TRAPPC9: variants seen among roughly 807,000 people sequenced by gnomAD.
TRAPPC9 encodes IKK2 binding protein.
TRAPPC9 carries 83 observed loss-of-function variants against 124.0 expected under a neutral mutation model. The ratio of observed to expected loss-of-function variants is 0.67; its 90% CI spans 0.56 to 0.80. The LOEUF (loss-of-function observed/expected upper bound fraction) is 0.80. TRAPPC9 is among the 30% of genes least tolerant of loss of function. The pLI is 0.00. For missense variants in TRAPPC9, 1,302 were observed against 1,508.3 expected, an observed-to-expected ratio of 0.86 and a Z score of 2.27; for synonymous variants, 638 against 617.5, an observed-to-expected ratio of 1.03 and a Z score of -0.49.
intron 19 of TRAPPC9, among the ~76,000 whole-genome samples, chr8:139,963,771 AAAAAAAC>A (rs1348387548): frequency 1.5e-4 from 19 of 123,718 alleles, no homozygotes; most frequent in African/African-American, 4.7e-4. Flanking sequence ...AAAAAAAAAA[AAAAAAAC>A]AACTACAGAC....
chr8:140,094,377 G>A (rs562410500), intron 17 of TRAPPC9, among the ~76,000 whole-genome samples: 3 of 152,282 alleles, frequency 2.0e-5, no homozygotes, highest in East Asian at 1.9e-4. Context: ...GTAGGCAGGC[G>A]CAGATCGGGC....
intron 15 of TRAPPC9, among the ~76,000 whole-genome samples, chr8:140,271,976 G>A (rs2064900422): frequency 1.3e-5 from 2 of 148,732 alleles, no homozygotes; most frequent in South Asian, 4.2e-4. Flanking sequence ...GAGGATGGCA[G>A]TAATGGTGGT....
intron 17 of TRAPPC9, among the ~76,000 whole-genome samples, chr8:140,164,517 C>T (rs1238537886): frequency 6.6e-6 from 1 of 152,214 alleles, no homozygotes; most frequent in Non-Finnish European, 1.5e-5. Flanking sequence ...CGCTGGGATG[C>T]AGAATTCAGC....
chr8:139,767,366 A>G (rs967331890), intron 21 of TRAPPC9, among the ~76,000 whole-genome samples: 4 of 152,198 alleles, frequency 2.6e-5, no homozygotes, highest in African/African-American at 9.6e-5. Context: ...CTGCTACCAG[A>G]GAAGGAGGAT....
At position 140,397,602 on chromosome 8, in the gene TRAPPC9, A is replaced by C; in HGVS notation, c.1134+18T>G. The C allele has an allele frequency of 1.9e-6, 3 of 1,613,718 alleles. No individual in the cohort carries two copies. The highest frequency in any genetic ancestry group is 2.5e-6 in the Non-Finnish European group (3 of 1,179,806). On this transcript the variant is annotated intron_variant, in intron 7 of 22. Transcript: ENST00000438773. ...GAACTGGATGAACTCTTCCACTTACAGGTAGACATACACTCACCTGTCGAA... is the reference window on the plus strand; with the variant it reads ...GAACTGGATGAACTCTTCCACTTACCGGTAGACATACACTCACCTGTCGAA...
At chr8:139,795,985 T>A (rs957336297) in intron 21 of TRAPPC9, among the ~76,000 whole-genome samples, 1 of 148,674 alleles carries the variant, frequency 6.7e-6, no homozygotes, top group Non-Finnish European at 1.5e-5. Flanking sequence ...GGTAAGAGCA[T>A]GAAATGGGTT....
At position 140,287,741 on chromosome 8, in the gene TRAPPC9, C is replaced by G; in HGVS notation, c.1855-7G>C. 6.2e-7 allele frequency: 1 copy of G among 1,614,098 alleles called. No homozygotes were observed. Among genetic ancestry groups the G allele is most frequent in the Non-Finnish European group, 8.5e-7 (1 of 1,180,036 alleles). On this transcript the variant is annotated splice_region_variant and splice_polypyrimidine_tract_variant and intron_variant, in intron 12 of 22. Transcript: ENST00000438773. Reference sequence around the variant, plus strand: ...CTCCGCTGGTGAGCAGCCCCTAAACCAAGCGACGCAGCATCGTAAGCCCGG... The same window carrying G: ...CTCCGCTGGTGAGCAGCCCCTAAACGAAGCGACGCAGCATCGTAAGCCCGG...
intron 17 of TRAPPC9, among the ~76,000 whole-genome samples, chr8:140,092,276 C>T (rs1844622404): frequency 6.7e-6 from 1 of 150,002 alleles, no homozygotes; most frequent in Non-Finnish European, 1.5e-5. Flanking sequence ...CGGCTCACTG[C>T]AACCTCCACC....
At chr8:139,953,623 C>G (rs1032438465) in intron 19 of TRAPPC9, among the ~76,000 whole-genome samples, 12 of 152,104 alleles carry the variant, frequency 7.9e-5, no homozygotes, top group Non-Finnish European at 1.8e-4. Flanking sequence ...AAAAGATAAA[C>G]TAGATTGAAA....
intron 21 of TRAPPC9, among the ~76,000 whole-genome samples, chr8:139,785,357 A>T (rs1356875157): frequency 6.6e-6 from 1 of 152,336 alleles, no homozygotes; most frequent in East Asian, 1.9e-4. Flanking sequence ...TGTGATTTTG[A>T]GTTAGGCCAA....
chr8:139,838,014 C>T (rs547939497), intron 21 of TRAPPC9, among the ~76,000 whole-genome samples: 13 of 152,332 alleles, frequency 8.5e-5, no homozygotes, highest in African/African-American at 3.1e-4. Flanking sequence ...CCACCCAAAG[C>T]CTTCGACGCC....
chr8:139,761,013 G>T (rs1243851932), intron 21 of TRAPPC9, among the ~76,000 whole-genome samples: 1 of 152,194 alleles, frequency 6.6e-6, no homozygotes, highest in Admixed American at 6.5e-5. Context: ...TCCTGACTTG[G>T]TTGCTTAGCC....
chr8:140,112,841 CTTTT>C (rs34920600), intron 17 of TRAPPC9, among the ~76,000 whole-genome samples: 29 of 129,256 alleles, frequency 2.2e-4, no homozygotes, highest in Non-Finnish European at 2.8e-4. Flanking sequence ...TTTTAATTTC[CTTTT>C]TTTTTTTTTT....
intron 5 of TRAPPC9, among the ~76,000 whole-genome samples, chr8:140,423,480 C>T (rs2070295888): frequency 6.6e-6 from 1 of 151,682 alleles, no homozygotes. Flanking sequence ...AACACATGTC[C>T]ACACAAATGC....
intron 17 of TRAPPC9, among the ~76,000 whole-genome samples, chr8:140,025,221 T>G (rs1840069312): frequency 6.6e-6 from 1 of 152,178 alleles, no homozygotes. Context: ...CAGGTTCCCC[T>G]CCGGACTGAA....
chr8:139,912,030 G>A (rs1831770535), intron 19 of TRAPPC9, among the ~76,000 whole-genome samples: 1 of 151,936 alleles, frequency 6.6e-6, no homozygotes, highest in South Asian at 2.1e-4. Context: ...GCAAAACATG[G>A]TTTTTAAAAA....
At chr8:140,233,722 T>C (rs2131387676) in intron 16 of TRAPPC9, among the ~76,000 whole-genome samples, 1 of 146,474 alleles carries the variant, frequency 6.8e-6, no homozygotes, top group Non-Finnish European at 1.5e-5. Context: ...TGCTCTTTTC[T>C]GCCACAGAGT....
chr8:139,807,947 G>A (rs552980223), intron 21 of TRAPPC9, among the ~76,000 whole-genome samples: 24 of 152,272 alleles, frequency 1.6e-4, no homozygotes, highest in Middle Eastern at 6.8e-3. Flanking sequence ...CCACAGACAG[G>A]AAGGGCATTC....
At chr8:140,367,246 T>C (rs1358669356) in intron 8 of TRAPPC9, among the ~76,000 whole-genome samples, 1 of 152,198 alleles carries the variant, frequency 6.6e-6, no homozygotes, top group African/African-American at 2.4e-5. Context: ...GCTGAAAACT[T>C]ATATCCACAC....
Sources: allele counts gnomAD v4.1 joint callset (sites outside exome capture counted in the v4.1 genomes callset), GRCh38; gene constraint gnomAD v4.1.1; transcripts MANE v1.5; gene names NCBI Gene and HGNC (gene_info 2026-07-23, HGNC 2026-07-21).